The following NCR1 variants were observed in gnomAD, a reference collection of about 807,000 sequenced individuals.
NCR1 encodes natural cytotoxicity triggering receptor 1.
A neutral mutation model predicts 32.5 loss-of-function variants in NCR1; 30 were observed. The ratio of observed to expected loss-of-function variants is 0.92; its 90% CI spans 0.69 to 1.25. The LOEUF (loss-of-function observed/expected upper bound fraction) is 1.25, where lower values mean the gene tolerates loss of function less well. Ranked by LOEUF, NCR1 falls within the 50% of genes most tolerant of loss-of-function variation. The pLI, the probability that NCR1 is intolerant of heterozygous loss-of-function variation, is 0.00. For missense variants in NCR1, 369 were observed against 380.7 expected, an observed-to-expected ratio of 0.97 and a Z score of 0.26; for synonymous variants, 169 against 143.4, an observed-to-expected ratio of 1.18 and a Z score of -1.28.
At chr19:54,913,723 G>A (rs1479857008), downstream of NCR1, among the ~76,000 whole-genome samples, 1 of 151,774 alleles carries the variant, frequency 6.6e-6, no homozygotes, top group East Asian at 1.9e-4. Flanking sequence ...CCTGAGGTCA[G>A]GAGTTCGAGA....
intron 5 of NCR1, 144 bp downstream of exon 5, chr19:54,910,209 G>C (rs1338941854): frequency 1.3e-6 from 1 of 781,544 alleles, no homozygotes; most frequent in African/African-American, 1.8e-5. Flanking sequence ...GGCCGAGATG[G>C]TGCATCATTT....
chr19:54,903,363 CATGTATATATACATGT>C (rs1488020331), upstream of NCR1, among the ~76,000 whole-genome samples: 1 of 110,186 alleles, frequency 9.1e-6, no homozygotes, highest in Non-Finnish European at 1.8e-5. Flanking sequence ...TATATACATA[CATGTATATATACATGT>C]ATGTATATAC....
intron 5 of NCR1, among the ~76,000 whole-genome samples, chr19:54,911,357 AGAAAAAG>A (rs1228283300): frequency 7.8e-6 from 1 of 128,448 alleles, no homozygotes; most frequent in African/African-American, 2.9e-5. Flanking sequence ...TCAAAAAAAA[AGAAAAAG>A]AAAAAGAAAA....
upstream of NCR1, among the ~76,000 whole-genome samples, chr19:54,903,347 T>TATGTATGTATAC (rs2067342861): frequency 8.0e-6 from 1 of 125,392 alleles, no homozygotes; most frequent in East Asian, 2.1e-4. Context: ...TATATACATA[T>TATGTATGTATAC]ATGCATATAT....
the NCR1 span, among the ~76,000 whole-genome samples, chr19:54,937,318 A>G: frequency 2.0e-5 from 3 of 151,858 alleles, no homozygotes; most frequent in African/African-American, 7.3e-5. Context: ...ACAAACTCCT[A>G]TGACACACGG....
downstream of NCR1, among the ~76,000 whole-genome samples, chr19:54,914,661 C>CGG (rs2068096467): frequency 6.6e-6 from 1 of 151,980 alleles, no homozygotes; most frequent in Non-Finnish European, 1.5e-5. Context: ...TCTTTATCCA[C>CGG]ACCTTGCCTT....
At chr19:54,907,149 G>GT (rs111928722) in intron 3 of NCR1, among the ~76,000 whole-genome samples, 2,202 of 141,006 alleles carry the variant, frequency 0.016, 31 homozygotes, top group African/African-American at 0.039. Context: ...CAGGTGGTGG[G>GT]TTTTTTTTTT....
chr19:54,916,125 T>TTATGCCGCTTTGC (rs1305090369), downstream of NCR1: 1 of 151,864 alleles, frequency 6.6e-6, no homozygotes, highest in Non-Finnish European at 1.5e-5. Context: ...CTTAATAAAC[T>TTATGCCGCTTTGC]TATGCCGCTT....
chr19:54,911,675 G>A (rs917509611), intron 5 of NCR1, among the ~76,000 whole-genome samples: 3 of 152,166 alleles, frequency 2.0e-5, no homozygotes, highest in East Asian at 1.9e-4. Context: ...GCTTGAACTC[G>A]GGAGGCGGAG....
upstream of NCR1, among the ~76,000 whole-genome samples, chr19:54,903,418 A>G (rs587745703): frequency 3.5e-4 from 50 of 141,328 alleles, no homozygotes; most frequent in Admixed American, 7.0e-4. Context: ...ATACACGCAT[A>G]CATGTATGTA....
At chr19:54,909,707 CG>C (rs1326096014) in intron 4 of NCR1, among the ~76,000 whole-genome samples, 184 bp downstream of exon 4, 9 of 151,964 alleles carry the variant, frequency 5.9e-5, no homozygotes, top group Non-Finnish European at 1.3e-4. Context: ...AATGGTAAGG[CG>C]GGTGGATCAC....
At chr19:54,927,576 C>A in the NCR1 span, 1 of 314,792 alleles carries the variant, frequency 3.2e-6, no homozygotes, top group Non-Finnish European at 4.1e-6. Context: ...AAACAAAAAA[C>A]AAAACAAAAC....
At chr19:54,918,017 C>T (rs989821280), downstream of NCR1, among the ~76,000 whole-genome samples, 9 of 152,214 alleles carry the variant, frequency 5.9e-5, no homozygotes, top group South Asian at 2.1e-4. Flanking sequence ...ACTGCAGTGG[C>T]GCGATCTCTG....
At chr19:54,905,075 T>C (rs951049512), upstream of NCR1, among the ~76,000 whole-genome samples, 2 of 152,218 alleles carry the variant, frequency 1.3e-5, no homozygotes, top group African/African-American at 4.8e-5. Context: ...GGTAGAATGA[T>C]TTATTTTCCT....
In NCR1 at chr19:54,909,298, G is replaced by A. The variant is rs1161818978; in HGVS notation, c.409G>A (p.Gly137Arg). 2 of 1,613,994 alleles carry A rather than the reference G, an allele frequency of 1.2e-6. No homozygotes were observed. The highest frequency in any genetic ancestry group is 1.7e-6 in the Non-Finnish European group (2 of 1,180,026). Residue 137 changes from glycine (G) to arginine (R), a missense_variant, in exon 4 of 7, where the codon GGA (glycine) becomes AGA (arginine). By Grantham distance (125) the Gly-to-Arg change is moderately radical. Coordinates refer to ENST00000291890, the MANE Select transcript of NCR1 (RefSeq NM_004829.7). ...SVHPGPEVIS[G>R]EKVTFYCRLD... ...TCATCCTGGACCCGAAGTGATCTCG[G>A]GAGAGAAGGTGACCTTCTACTGCCG... is the stretch of plus-strand genomic sequence containing the variant.
chr19:54,926,078 A>G, the NCR1 span, among the ~76,000 whole-genome samples: 1 of 152,172 alleles, frequency 6.6e-6, no homozygotes, highest in African/African-American at 2.4e-5. Context: ...AAAATAAAAA[A>G]TACAAATAAG....
At chr19:54,916,383 C>T (rs537112023), downstream of NCR1, among the ~76,000 whole-genome samples, 1 of 142,230 alleles carries the variant, frequency 7.0e-6, no homozygotes, top group African/African-American at 2.7e-5. Context: ...TGCAGTGGCG[C>T]GATCTTGACT....
downstream of NCR1, among the ~76,000 whole-genome samples, chr19:54,918,862 T>C (rs2068184758): frequency 6.6e-6 from 1 of 151,886 alleles, no homozygotes; most frequent in Non-Finnish European, 1.5e-5. Flanking sequence ...CACGTGCCTA[T>C]AATCCCAGCT....
upstream of NCR1, among the ~76,000 whole-genome samples, chr19:54,904,887 C>T (rs1438660634): frequency 1.3e-5 from 2 of 152,168 alleles, no homozygotes; most frequent in Admixed American, 6.5e-5. Flanking sequence ...CCTCTAGCTG[C>T]ATCCATGTTG....
Sources: gnomAD v4.1 joint callset for allele counts (sites outside exome capture counted in the v4.1 genomes callset) on GRCh38, gnomAD v4.1.1 for gene constraint, MANE v1.5 for transcripts, NCBI Gene and HGNC (gene_info 2026-07-23, HGNC 2026-07-21) for gene names.